Variants in ITSN2 observed in about 807,000 individuals in gnomAD.
ITSN2 encodes intersectin-2.
ITSN2 carries 156 observed loss-of-function variants against 243.7 expected under a neutral mutation model. The observed-to-expected ratio is 0.64, with a 90% CI of 0.56 to 0.73. The LOEUF (loss-of-function observed/expected upper bound fraction) is 0.73, where lower values mean the gene tolerates loss of function less well. ITSN2 is among the 30% of genes least tolerant of loss of function. ITSN2 has a pLI of 0.00. For missense variants in ITSN2, 1,801 were observed against 1,996.1 expected (o/e 0.90, Z 1.86); for synonymous variants, 703 against 699.9 (o/e 1.00, Z -0.07).
chr2:24,323,674 G>A (rs1019501046), intron 2 of ITSN2, among the ~76,000 whole-genome samples: 26 of 152,040 alleles, frequency 1.7e-4, no homozygotes, highest in African/African-American at 3.1e-4. Flanking sequence ...TCATCGAACC[G>A]TATACTTTAA....
Position 24,204,417 on chromosome 2 carries a change from T to C in ITSN2, c.4764A>G (p.Gly1588=), listed in dbSNP as rs1206716554. 6 of 1,614,150 alleles carry C rather than the reference T, an allele frequency of 3.7e-6. No individual in the cohort carries two copies. The highest frequency in any genetic ancestry group is 1.7e-5 in the Admixed American group (1 of 60,024). The change falls in exon 39 of 40, where the codon GGA becomes GGG. Residue 1588 remains glycine, a splice_region_variant and synonymous_variant. Transcript: ENST00000355123. The surrounding 1 kb of genome is among the most constrained non-coding windows in gnomAD (Gnocchi z 5.1). The part of the protein sequence containing the change: ...ATELKACKPN[G]KSNPYCEISM... Reference sequence around the variant, plus strand: ...TGATTTCACAGTATGGGTTGCTCTTTCCTGAACAAAAACAAACCACAGACA... The same window carrying C: ...TGATTTCACAGTATGGGTTGCTCTTCCCTGAACAAAAACAAACCACAGACA...
chr2:24,216,871 G>A (rs1196348644), intron 31 of ITSN2, among the ~76,000 whole-genome samples: 3 of 152,170 alleles, frequency 2.0e-5, no homozygotes, highest in Non-Finnish European at 2.9e-5. Flanking sequence ...GGATCACGAG[G>A]TCAGGAGATT....
chr2:24,223,941 T>C (rs1030645815), intron 29 of ITSN2, among the ~76,000 whole-genome samples: 2 of 152,136 alleles, frequency 1.3e-5, no homozygotes, highest in African/African-American at 4.8e-5. Flanking sequence ...TGTTCAAAAT[T>C]GTTACGCTTT....
chr2:24,210,121 CTG>C, intron 34 of ITSN2, 88 bp from the exon 35 acceptor site: 1 of 918,820 alleles, frequency 1.1e-6, no homozygotes, highest in Non-Finnish European at 1.7e-6. Flanking sequence ...CCTGAGGATA[CTG>C]TGGTGGAGTT....
At chr2:24,342,133 A>G (rs1361682284) in intron 1 of ITSN2, among the ~76,000 whole-genome samples, 1 of 152,146 alleles carries the variant, frequency 6.6e-6, no homozygotes, top group Non-Finnish European at 1.5e-5. Flanking sequence ...AAAGGCATAC[A>G]TAAGTTTAGA....
intron 4 of ITSN2, among the ~76,000 whole-genome samples, chr2:24,312,856 G>A (rs1013033241): frequency 2.0e-5 from 3 of 152,026 alleles, no homozygotes; most frequent in African/African-American, 7.2e-5. Flanking sequence ...GGGAAGCGAG[G>A]ACTAATTTGG....
chr2:24,224,885 C>T (rs1275982286), intron 29 of ITSN2, among the ~76,000 whole-genome samples: 3 of 152,352 alleles, frequency 2.0e-5, no homozygotes, highest in Middle Eastern at 3.4e-3. Flanking sequence ...CCATCTCGGC[C>T]TCTCGAAGTG....
intron 17 of ITSN2, among the ~76,000 whole-genome samples, chr2:24,279,726 CTTTTTTTT>C (rs955431908): frequency 2.6e-5 from 2 of 78,300 alleles, no homozygotes; most frequent in Non-Finnish European, 4.8e-5. Flanking sequence ...TGTGAATTTT[CTTTTTTTT>C]TTTTTTTTTT....
intron 16 of ITSN2, 148 bp from the exon 17 acceptor site, chr2:24,284,991 G>A (rs1040590255): frequency 1.6e-5 from 8 of 497,346 alleles, no homozygotes; most frequent in South Asian, 6.9e-5. Flanking sequence ...CCACCTCCCG[G>A]GTTCAAGCGA....
At chr2:24,209,664 C>T (rs1379638267) in intron 35 of ITSN2, among the ~76,000 whole-genome samples, 154 bp downstream of exon 35, 1 of 152,140 alleles carries the variant, frequency 6.6e-6, no homozygotes, top group East Asian at 1.9e-4. Context: ...TGCATGGGGC[C>T]CTTCCCGTGG....
At position 24,204,501 on chromosome 2, in the gene ITSN2, G is replaced by C; in HGVS notation, c.4763-83C>G. Reference sequence around the variant, plus strand: ...ACAGTGCCCTCCCTGAGCAGAAGCAGGATTCCAATAATGGGTCACTCGAGA... The same window carrying C: ...ACAGTGCCCTCCCTGAGCAGAAGCACGATTCCAATAATGGGTCACTCGAGA... On this transcript the variant is annotated intron_variant, in intron 38 of 39. Coordinates refer to ENST00000355123, the MANE Select transcript of ITSN2 (RefSeq NM_006277.3). This position sits in a 1 kb window ranked among gnomAD's most constrained non-coding sequence, Gnocchi z 5.1. 1.6e-6 allele frequency: 2 copies of C among 1,263,022 alleles called. No individual in the cohort carries two copies. Among genetic ancestry groups the C allele is most frequent in the Non-Finnish European group, 2.3e-6 (2 of 861,738 alleles). 78.2% of individuals were successfully genotyped at this position (1,263,022 alleles called of 1,614,324 possible). A position where few individuals can be genotyped will look rare whatever the true frequency, so the allele number is the denominator to read the frequency against.
intron 3 of ITSN2, among the ~76,000 whole-genome samples, chr2:24,314,164 G>A (rs1683627929): frequency 1.3e-5 from 2 of 152,066 alleles, no homozygotes. Context: ...TGGGACTTAG[G>A]GAACACTAAA....
chr2:24,327,890 T>C (rs1001562664), intron 2 of ITSN2, among the ~76,000 whole-genome samples, 162 bp downstream of exon 2: 2 of 152,192 alleles, frequency 1.3e-5, no homozygotes, highest in East Asian at 3.8e-4. Context: ...AACATAATAT[T>C]CTTACAGAAG....
chr2:24,297,313 G>C (rs1206179437), intron 13 of ITSN2, among the ~76,000 whole-genome samples: 1 of 152,174 alleles, frequency 6.6e-6, no homozygotes, highest in Non-Finnish European at 1.5e-5. Flanking sequence ...CCTACTATAT[G>C]ATCAGGGTAG....
At position 24,298,783 on chromosome 2, in the gene ITSN2, C is replaced by G; in HGVS notation, c.1376G>C (p.Arg459Pro). 6.2e-7 allele frequency: 1 copy of G among 1,603,060 alleles called. No individual in the cohort carries two copies. The highest frequency in any genetic ancestry group is 1.1e-5 in the South Asian group (1 of 88,216). ...AAKQELERQRRLEWERIRRQE... is the reference protein window; with the variant it reads ...AAKQELERQRPLEWERIRRQE... ...TCGCCGAATTCTCTCCCATTCTAAG[C>G]GACGTTGTCGTTCAAGTTCCTGTTT... Residue 459 changes from arginine to proline, a missense_variant, in exon 13 of 40, where the codon CGC (arginine) becomes CCC (proline). By Grantham distance (103) the Arg-to-Pro change is moderately radical. This residue lies in a region of ITSN2 where 787 missense variants were observed against 803.9 expected (regional missense o/e 0.98). Transcript: ENST00000355123.
chr2:24,237,290 G>A (rs1299543406), intron 29 of ITSN2, among the ~76,000 whole-genome samples: 1 of 152,172 alleles, frequency 6.6e-6, no homozygotes, highest in Non-Finnish European at 1.5e-5. Flanking sequence ...ACTGGTGTGA[G>A]AGATGGTTGC....
chr2:24,330,164 A>C (rs1685609159), intron 1 of ITSN2, among the ~76,000 whole-genome samples: 1 of 152,264 alleles, frequency 6.6e-6, no homozygotes, highest in Non-Finnish European at 1.5e-5. Context: ...AGAAAAACCA[A>C]CGAGGAATGG....
At chr2:24,301,302 C>T (rs990643234) in intron 10 of ITSN2, 63 bp from the exon 11 acceptor site, 3 of 898,926 alleles carry the variant, frequency 3.3e-6, no homozygotes, top group African/African-American at 1.7e-5. Flanking sequence ...CTAGATTACA[C>T]AGACTACCAG....
intron 25 of ITSN2, among the ~76,000 whole-genome samples, chr2:24,251,371 G>GTA (rs1185453863): frequency 3.3e-4 from 1 of 3,050 alleles, no homozygotes. Flanking sequence ...GTGTGTGTGT[G>GTA]TATATATGTA....
Sources: gnomAD v4.1 joint callset for allele counts (sites outside exome capture counted in the v4.1 genomes callset) on GRCh38, gnomAD v4.1.1 for gene constraint, gnomAD v4.1.1 regional missense constraint, Gnocchi (gnomAD v3.1) non-coding constraint, MANE v1.5 for transcripts, NCBI Gene and HGNC (gene_info 2026-07-23, HGNC 2026-07-21) for gene names.